Variants in NLGN1 observed in about 807,000 individuals in gnomAD.
The protein encoded by NLGN1 is neuroligin-1.
NLGN1 carries 12 observed loss-of-function variants against 65.5 expected under a neutral mutation model. The observed-to-expected ratio is 0.18, with a 90% CI of 0.12 to 0.30. The LOEUF (loss-of-function observed/expected upper bound fraction) is 0.30. NLGN1 is among the 10% of genes least tolerant of loss of function. NLGN1 has a pLI of 1.00. For missense variants in NLGN1, 750 were observed against 1,007.1 expected (o/e 0.74, Z 3.46); for synonymous variants, 350 against 359.5 (o/e 0.97, Z 0.30).
At chr3:173,480,874 A>C (rs1163717478) in intron 2 of NLGN1, among the ~76,000 whole-genome samples, 1 of 152,100 alleles carries the variant, frequency 6.6e-6, no homozygotes, top group Non-Finnish European at 1.5e-5. Flanking sequence ...AGTAAGATCA[A>C]TTGGGTATGA....
chr3:173,983,666 T>C (rs914139629), intron 4 of NLGN1, among the ~76,000 whole-genome samples: 2 of 152,062 alleles, frequency 1.3e-5, no homozygotes, highest in African/African-American at 4.8e-5. Context: ...CATGCACAGC[T>C]CTTCCTTTGC....
intron 4 of NLGN1, among the ~76,000 whole-genome samples, chr3:173,990,171 A>G (rs768613315): frequency 1.3e-5 from 2 of 152,110 alleles, no homozygotes; most frequent in African/African-American, 2.4e-5. Context: ...GCTTTACCCA[A>G]AATCTATTGA....
At chr3:173,995,979 C>T (rs992258221) in intron 4 of NLGN1, among the ~76,000 whole-genome samples, 3 of 152,158 alleles carry the variant, frequency 2.0e-5, no homozygotes, top group Non-Finnish European at 4.4e-5. Flanking sequence ...AGCCACTGCA[C>T]CCAACCCTTG....
At chr3:174,119,292 A>T (rs185933451) in intron 4 of NLGN1, among the ~76,000 whole-genome samples, 1 of 152,170 alleles carries the variant, frequency 6.6e-6, no homozygotes, top group Admixed American at 6.5e-5. Flanking sequence ...TGATAAATAA[A>T]ATCTTTATAT....
intron 4 of NLGN1, among the ~76,000 whole-genome samples, chr3:174,034,302 T>A (rs1579904802): frequency 1.3e-5 from 2 of 150,460 alleles, no homozygotes; most frequent in Non-Finnish European, 3.0e-5. Flanking sequence ...GACATAAGAA[T>A]GTTACATAAG....
intron 3 of NLGN1, among the ~76,000 whole-genome samples, chr3:173,676,030 T>C (rs1763122699): frequency 6.6e-6 from 1 of 152,036 alleles, no homozygotes; most frequent in Admixed American, 6.6e-5. Context: ...GTTACTATTG[T>C]AGGAAATGGG....
intron 2 of NLGN1, among the ~76,000 whole-genome samples, chr3:173,484,562 A>G (rs1201902919): frequency 1.3e-5 from 2 of 152,148 alleles, no homozygotes; most frequent in East Asian, 3.9e-4. Context: ...CTTAATAAGC[A>G]AAATATTCAT....
rs566161560 is a variant in NLGN1, at chr3:173,441,735, A to T, written c.-321+6657A>T. Among the ~76,000 whole-genome samples, 5 of 152,310 alleles carry T rather than the reference A, an allele frequency of 3.3e-5. No individual in the cohort carries two copies. The East Asian group carries it at 7.7e-4, about 23-fold the overall frequency. On this transcript the variant is annotated intron_variant, in intron 2 of 6. Coordinates refer to ENST00000457714, the Ensembl canonical transcript of NLGN1. ...AATAATGAAAAAGTTGAAATACATG[A>T]GAAGTGCCACACAAAGTGAGCACAT... is the stretch of plus-strand genomic sequence containing the variant.
chr3:173,483,126 G>T (rs1727579866), intron 2 of NLGN1, among the ~76,000 whole-genome samples: 2 of 151,900 alleles, frequency 1.3e-5, no homozygotes, highest in Middle Eastern at 6.8e-3. Context: ...AGATATTCTT[G>T]GTAAAAAGCT....
intron 3 of NLGN1, among the ~76,000 whole-genome samples, chr3:173,796,612 T>C (rs7643054): frequency 0.043 from 6,612 of 152,174 alleles, 201 homozygotes; most frequent in African/African-American, 0.089. Context: ...ATGAGAGTTA[T>C]GTGTGTGTTC....
intron 2 of NLGN1, among the ~76,000 whole-genome samples, chr3:173,595,355 C>T (rs576167878): frequency 1.3e-5 from 2 of 152,268 alleles, no homozygotes; most frequent in East Asian, 1.9e-4. Flanking sequence ...CAAAATGCCA[C>T]CAGAGTCTTT....
intron 2 of NLGN1, among the ~76,000 whole-genome samples, chr3:173,444,432 A>G (rs1394346224): frequency 1.3e-5 from 2 of 152,300 alleles, no homozygotes; most frequent in East Asian, 3.9e-4. Context: ...TCTGGTATAC[A>G]TTTATTTCAC....
chr3:173,636,705 G>A (rs977549559), intron 3 of NLGN1, among the ~76,000 whole-genome samples: 1 of 151,714 alleles, frequency 6.6e-6, no homozygotes, highest in African/African-American at 2.4e-5. Context: ...AGTTGTATGG[G>A]GATTTTTAAC....
intron 3 of NLGN1, among the ~76,000 whole-genome samples, chr3:173,712,895 A>C (rs1333365366): frequency 6.6e-6 from 1 of 152,150 alleles, no homozygotes; most frequent in Non-Finnish European, 1.5e-5. Flanking sequence ...AAAAATATAA[A>C]AGAGCAAGAA....
At chr3:173,513,080 C>A (rs1030277576) in intron 2 of NLGN1, among the ~76,000 whole-genome samples, 34 of 152,148 alleles carry the variant, frequency 2.2e-4, no homozygotes, top group Non-Finnish European at 4.7e-4. Flanking sequence ...TTGGATATTT[C>A]CCTTCCCCTA....
intron 3 of NLGN1, among the ~76,000 whole-genome samples, chr3:173,772,284 C>T (rs1462433143): frequency 6.6e-6 from 1 of 151,992 alleles, no homozygotes; most frequent in Non-Finnish European, 1.5e-5. Flanking sequence ...CACATTTTCT[C>T]ATATTCAGTC....
chr3:173,406,682 A>G (rs1718766545), intron 1 of NLGN1, among the ~76,000 whole-genome samples: 1 of 151,936 alleles, frequency 6.6e-6, no homozygotes, highest in African/African-American at 2.4e-5. Context: ...CTTACCGTGC[A>G]TTTCCACAGA....
chr3:173,475,051 T>C (rs1725967337), intron 2 of NLGN1, among the ~76,000 whole-genome samples: 1 of 152,312 alleles, frequency 6.6e-6, no homozygotes, highest in East Asian at 1.9e-4. Context: ...CTAAAAATAG[T>C]TTTTATATTA....
At chr3:174,185,650 C>T (rs906024506) in intron 4 of NLGN1, among the ~76,000 whole-genome samples, 6 of 151,352 alleles carry the variant, frequency 4.0e-5, no homozygotes, top group African/African-American at 1.5e-4. Context: ...ATATAGTTGA[C>T]AAAGTAATGA....
Sources: allele counts gnomAD v4.1 joint callset (sites outside exome capture counted in the v4.1 genomes callset), GRCh38; gene constraint gnomAD v4.1.1; transcripts MANE v1.5; gene names NCBI Gene and HGNC (gene_info 2026-07-23, HGNC 2026-07-21).